LRPAP1: variants seen among roughly 807,000 people sequenced by gnomAD.
LRPAP1 encodes the protein LDL receptor related protein associated protein 1, also known as alpha-2-macroglobulin receptor-associated protein.
LRPAP1 carries 41 observed loss-of-function variants against 39.9 expected under a neutral mutation model. The ratio of observed to expected loss-of-function variants is 1.03; its 90% CI spans 0.80 to 1.33. The LOEUF (loss-of-function observed/expected upper bound fraction) is 1.33. Among genes scored for constraint, LRPAP1 ranks in the 40% most tolerant of loss-of-function variants. The probability of loss-of-function intolerance (pLI) is 0.00; values close to 1 mark genes in which losing one functional copy is unlikely to be tolerated. For missense variants in LRPAP1, 565 were observed against 482.3 expected, an observed-to-expected ratio of 1.17 and a Z score of -1.61; for synonymous variants, 263 against 212.7, an observed-to-expected ratio of 1.24 and a Z score of -2.06.
chr4:3,520,105 C>G lies in LRPAP1; in HGVS notation c.438G>C (p.Leu146=). The G allele has an allele frequency of 6.2e-7, 1 of 1,614,184 alleles. No homozygotes were observed. The highest frequency in any genetic ancestry group is 8.5e-7 in the Non-Finnish European group (1 of 1,180,034). Residue 146 remains leucine, a synonymous_variant, in exon 3 of 8, where the codon CTG becomes CTC. Transcript: ENST00000650182. The part of the protein sequence containing the change: ...NSLSGTQEDG[L]DDPRLEKLWH... ...ACAGCTTTTCCAGCCTGGGGTCATCCAGCCCGTCTTCCTGGGTGCCACTGA... is the reference window on the plus strand; with the variant it reads ...ACAGCTTTTCCAGCCTGGGGTCATCGAGCCCGTCTTCCTGGGTGCCACTGA...
At chr4:3,516,011 T>TGA (rs111779833) in intron 6 of LRPAP1, 105 bp downstream of exon 6, 40 of 1,126,702 alleles carry the variant, frequency 3.6e-5, no homozygotes, top group Middle Eastern at 2.0e-4. Flanking sequence ...GCGAGAATCT[T>TGA]GAGAGAGAGA....
In LRPAP1 at chr4:3,517,755, G is replaced by GGCTGGGGAGAC. The variant is rs1305828768; in HGVS notation, c.751+268_751+278dup. On this transcript the variant is annotated intron_variant, in intron 5 of 7. Transcript: ENST00000650182. ...AGCACGGGAGGGGCCGTGCTGCTGA[G>GGCTGGGGAGAC]GCTGGGGAGACGCTGGGAAGGGCTG... The GGCTGGGGAGAC allele has an allele frequency of 3.1e-5, 12 of 382,216 alleles. No homozygotes were observed. In the East Asian group the frequency reaches 4.8e-4, roughly 15 times the overall value. 23.7% of individuals were successfully genotyped at this position (382,216 alleles called of 1,614,324 possible). A position where few individuals can be genotyped will look rare whatever the true frequency, so the allele number is the denominator to read the frequency against.
At chr4:3,520,294 TCA>T in intron 2 of LRPAP1, 101 bp from the exon 3 acceptor site, 1 of 1,282,014 alleles carries the variant, frequency 7.8e-7, no homozygotes, top group Non-Finnish European at 1.1e-6. Context: ...GGTTTGCCTC[TCA>T]TTTTCCAGTA....
At position 3,507,083 on chromosome 4, in the gene LRPAP1, G is replaced by A. The variant is rs1477107744; in HGVS notation, c.*5891C>T. Reference sequence around the variant, plus strand: ...AAAACCTTTTCTTTAAATTAGCAGAGCATAGTGATGCATGCCTGTAGTCCC... The same window carrying A: ...AAAACCTTTTCTTTAAATTAGCAGAACATAGTGATGCATGCCTGTAGTCCC... On this transcript the variant is annotated 3_prime_UTR_variant, in exon 8 of 8. Coordinates refer to ENST00000650182, the MANE Select transcript of LRPAP1 (RefSeq NM_002337.4). 1 of 152,232 alleles carries A rather than the reference G, an allele frequency of 6.6e-6. No homozygotes were observed. Among genetic ancestry groups the A allele is most frequent in the East Asian group, 1.9e-4 (1 of 5,196 alleles). 9.4% of individuals were successfully genotyped at this position (152,232 alleles called of 1,614,324 possible). A position where few individuals can be genotyped will look rare whatever the true frequency, so the allele number is the denominator to read the frequency against.
At chr4:3,516,876 T>C (rs1729721560) in intron 5 of LRPAP1, among the ~76,000 whole-genome samples, 1 of 152,184 alleles carries the variant, frequency 6.6e-6, no homozygotes, top group Admixed American at 6.5e-5. Flanking sequence ...CCGAGGACCC[T>C]GGGCTGGTGG....
At position 3,508,797 on chromosome 4, in the gene LRPAP1, T is replaced by C. The variant is rs893770289; in HGVS notation, c.*4177A>G. 8.5e-5 allele frequency: 13 copies of C among 152,104 alleles called. No individual in the cohort carries two copies. The highest frequency in any genetic ancestry group is 3.1e-4 in the African/African-American group (13 of 41,424). 9.4% of individuals were successfully genotyped at this position (152,104 alleles called of 1,614,324 possible). A position where few individuals can be genotyped will look rare whatever the true frequency, so the allele number is the denominator to read the frequency against. Reference sequence around the variant, plus strand: ...ATGAGGAAGCTCTTCTGCCTGTAAGTGCACCAGTGCAAACCCAACACTGAG... The same window carrying C: ...ATGAGGAAGCTCTTCTGCCTGTAAGCGCACCAGTGCAAACCCAACACTGAG... On this transcript the variant is annotated 3_prime_UTR_variant, in exon 8 of 8. Coordinates refer to ENST00000650182, the MANE Select transcript of LRPAP1 (RefSeq NM_002337.4).
At chr4:3,531,008 T>C (rs1372375377) in intron 1 of LRPAP1, among the ~76,000 whole-genome samples, 2 of 152,014 alleles carry the variant, frequency 1.3e-5, no homozygotes, top group Non-Finnish European at 2.9e-5. Flanking sequence ...TCCCGGCTGC[T>C]CCTGGTCACA....
chr4:3,514,065 T>C (rs1729617933), intron 7 of LRPAP1, among the ~76,000 whole-genome samples: 1 of 152,244 alleles, frequency 6.6e-6, no homozygotes, highest in Non-Finnish European at 1.5e-5. Context: ...AAACCCCACA[T>C]GGTGGTGCTC....
rs750423596 is a variant in LRPAP1 at position 3,514,765 on chromosome 4, T to C, written c.998A>G (p.Glu333Gly). ...KHALLEGRTK[E>G]LGYTVKKHLQ... Reference sequence around the variant, plus strand: ...ACCCGTGCGCACCGTGTAGCCCAGCTCCTTGGTCCGCCCCTCCAGCAGGGC... The same window carrying C: ...ACCCGTGCGCACCGTGTAGCCCAGCCCCTTGGTCCGCCCCTCCAGCAGGGC... Residue 333 changes from glutamate (E) to glycine (G), a missense_variant, in exon 7 of 8, where the codon GAG (glutamate) becomes GGG (glycine). Coordinates refer to ENST00000650182, the MANE Select transcript of LRPAP1 (RefSeq NM_002337.4). The C allele has an allele frequency of 3.7e-6, 6 of 1,609,536 alleles. No individual in the cohort carries two copies. The East Asian group carries it at 1.1e-4, about 30-fold the overall frequency.
chr4:3,520,027 G>T (rs758050297), intron 3 of LRPAP1, 45 bp downstream of exon 3: 1 of 1,604,054 alleles, frequency 6.2e-7, no homozygotes, highest in Non-Finnish European at 8.5e-7. Flanking sequence ...AACACTCAAC[G>T]TAACGGCACC....
chr4:3,523,913 G>A (rs1045785181), intron 2 of LRPAP1, among the ~76,000 whole-genome samples: 1 of 151,696 alleles, frequency 6.6e-6, no homozygotes, highest in African/African-American at 2.4e-5. Context: ...ACAGGAGGAG[G>A]AAACGGAGGT....
intron 2 of LRPAP1, among the ~76,000 whole-genome samples, chr4:3,522,449 G>A (rs1207571094): frequency 1.3e-5 from 2 of 152,182 alleles, no homozygotes; most frequent in South Asian, 4.2e-4. Context: ...AGCTGGAGGC[G>A]GCCTCAGGAG....
chr4:3,512,693 A>T lies in LRPAP1; in HGVS notation c.*281T>A. On this transcript the variant is annotated 3_prime_UTR_variant, in exon 8 of 8. Coordinates refer to ENST00000650182, the MANE Select transcript of LRPAP1 (RefSeq NM_002337.4). ...GACTATCAGACCTGACAGCAGCTGG[A>T]CATCGAGGTCCTCACTGGGGTGGTG... is the stretch of plus-strand genomic sequence containing the variant. 2.1e-6 allele frequency: 1 copy of T among 469,780 alleles called. No individual in the cohort carries two copies. 29.1% of individuals were successfully genotyped at this position (469,780 alleles called of 1,614,324 possible). A position where few individuals can be genotyped will look rare whatever the true frequency, so the allele number is the denominator to read the frequency against.
At chr4:3,532,105 C>T in intron 1 of LRPAP1, 104 bp downstream of exon 1, 1 of 1,302,152 alleles carries the variant, frequency 7.7e-7, no homozygotes, top group Non-Finnish European at 1.1e-6. Context: ...ACAGGTGCCC[C>T]GGCTGCGCCC....
chr4:3,527,199 G>A (rs1050271859), intron 1 of LRPAP1, among the ~76,000 whole-genome samples: 1 of 152,062 alleles, frequency 6.6e-6, no homozygotes, highest in Non-Finnish European at 1.5e-5. Flanking sequence ...CCCTACCTGT[G>A]TGCCTCTTCC....
In LRPAP1 at chr4:3,532,173, CCAGGCCCCGCTCCACCGACCG is replaced by C. The variant is rs1799745; in HGVS notation, c.204+15_204+35del. 191,952 of 1,546,132 alleles carry C rather than the reference CCAGGCCCCGCTCCACCGACCG, an allele frequency of 0.12. 12,917 individuals are homozygous for C. The highest frequency in any genetic ancestry group is 0.2 in the South Asian group (16,421 of 83,906). Reference sequence around the variant, plus strand: ...ACGACCCCAACCACGGCCCCCGCCCCCAGGCCCCGCTCCACCGACCGCGGGCCGCGCTCACTCGCTGGGCCT... The same window carrying C: ...ACGACCCCAACCACGGCCCCCGCCCCCGGGCCGCGCTCACTCGCTGGGCCT... On this transcript the variant is annotated intron_variant, in intron 1 of 7. Coordinates refer to ENST00000650182, the MANE Select transcript of LRPAP1 (RefSeq NM_002337.4).
At position 3,505,159 on chromosome 4, in the gene LRPAP1, G is replaced by C. The variant is rs893045031; in HGVS notation, c.*7815C>G. Among the ~76,000 whole-genome samples, 7 of 152,162 alleles carry C rather than the reference G, an allele frequency of 4.6e-5. No individual in the cohort carries two copies. The highest frequency in any genetic ancestry group is 8.8e-5 in the Non-Finnish European group (6 of 68,032). ...GCTGGCTAAGCTGCAGGTTGTGCCT[G>C]AGCTCACGGACACGAGGAAGAAGGG... On this transcript the variant is annotated 3_prime_UTR_variant, in exon 8 of 8. Coordinates refer to ENST00000650182, the MANE Select transcript of LRPAP1 (RefSeq NM_002337.4).
chr4:3,524,780 T>C, intron 2 of LRPAP1, 127 bp downstream of exon 2: 1 of 1,078,400 alleles, frequency 9.3e-7, no homozygotes, highest in Non-Finnish European at 1.4e-6. Flanking sequence ...TCATTTTGGA[T>C]ATCCAGATTA....
chr4:3,525,434 C>T (rs1238208074), intron 1 of LRPAP1, among the ~76,000 whole-genome samples: 1 of 148,454 alleles, frequency 6.7e-6, no homozygotes, highest in African/African-American at 2.4e-5. Context: ...ATTGCAAGGA[C>T]ACAGACACCT....
Sources: allele counts gnomAD v4.1 joint callset (sites outside exome capture counted in the v4.1 genomes callset), GRCh38; gene constraint gnomAD v4.1.1; transcripts MANE v1.5; gene names NCBI Gene and HGNC (gene_info 2026-07-23, HGNC 2026-07-21).